The following FAM135B variants were observed in gnomAD, a reference collection of about 807,000 sequenced individuals.
The protein encoded by FAM135B is family with sequence similarity 135 member B, also known as protein FAM135B.
In FAM135B, 43 loss-of-function variants were observed where a neutral mutation model predicts 127.7. The observed-to-expected ratio is 0.34, with a 90% confidence interval of 0.26 to 0.43. The LOEUF (loss-of-function observed/expected upper bound fraction) is 0.43, where lower values mean the gene tolerates loss of function less well. Among genes scored for constraint, FAM135B ranks in the 20% least tolerant of loss-of-function variants. FAM135B has a pLI of 1.00. For missense variants in FAM135B, 1,558 were observed against 1,725.6 expected, an observed-to-expected ratio of 0.90 and a Z score of 1.72; for synonymous variants, 670 against 665.1, an observed-to-expected ratio of 1.01 and a Z score of -0.11.
intron 7 of FAM135B, among the ~76,000 whole-genome samples, chr8:138,209,930 C>T (rs1818010228): frequency 6.6e-6 from 1 of 151,978 alleles, no homozygotes; most frequent in Non-Finnish European, 1.5e-5. Flanking sequence ...AATTAAAGTC[C>T]CCAAATAGAA....
At chr8:138,164,934 C>T (rs1191817367) in intron 12 of FAM135B, among the ~76,000 whole-genome samples, 2 of 152,084 alleles carry the variant, frequency 1.3e-5, no homozygotes, top group South Asian at 2.1e-4. Context: ...AGGAACCACA[C>T]GTTCGGACAA....
At chr8:138,284,961 A>G (rs1824553816) in intron 3 of FAM135B, among the ~76,000 whole-genome samples, 1 of 152,016 alleles carries the variant, frequency 6.6e-6, no homozygotes, top group South Asian at 2.1e-4. Context: ...ACTTTAAAAA[A>G]ATAGTATTAA....
intron 13 of FAM135B, among the ~76,000 whole-genome samples, chr8:138,149,827 A>T (rs1224011608): frequency 6.6e-6 from 1 of 152,072 alleles, no homozygotes; most frequent in Non-Finnish European, 1.5e-5. Context: ...ATATTTACCC[A>T]GTCACTGCCC....
intron 2 of FAM135B, among the ~76,000 whole-genome samples, chr8:138,322,369 A>C (rs534415182): frequency 6.6e-6 from 1 of 151,960 alleles, no homozygotes; most frequent in African/African-American, 2.4e-5. Context: ...AGGGGAGGAG[A>C]CCCTCTCCTG....
At chr8:138,309,858 C>CTTTTTTTTTTTTTTTTTTTTTTTTT (rs145453026) in intron 3 of FAM135B, among the ~76,000 whole-genome samples, 1 of 86,788 alleles carries the variant, frequency 1.2e-5, no homozygotes, top group Admixed American at 1.5e-4. Flanking sequence ...AGTCTTTCTA[C>CTTTTTTTTTTTTTTTTTTTTTTTTT]TTTTTTTTTT....
At chr8:138,260,591 A>G (rs892841662) in intron 4 of FAM135B, among the ~76,000 whole-genome samples, 2 of 152,152 alleles carry the variant, frequency 1.3e-5, no homozygotes, top group African/African-American at 4.8e-5. Flanking sequence ...CTTAGAGTCA[A>G]CTTCCATTTA....
chr8:138,357,686 G>T (rs1026286250), intron 2 of FAM135B, among the ~76,000 whole-genome samples: 2 of 152,108 alleles, frequency 1.3e-5, no homozygotes, highest in Non-Finnish European at 2.9e-5. Context: ...AACAAGAGCA[G>T]TGAAGGATCC....
chr8:138,495,309 G>A (rs1815350266), intron 1 of FAM135B, among the ~76,000 whole-genome samples: 1 of 152,142 alleles, frequency 6.6e-6, no homozygotes, highest in Non-Finnish European at 1.5e-5. Context: ...CACACAGCAG[G>A]TGCATGAGGA....
chr8:138,182,987 C>T (rs1020480200), intron 9 of FAM135B, among the ~76,000 whole-genome samples: 1 of 152,178 alleles, frequency 6.6e-6, no homozygotes, highest in Non-Finnish European at 1.5e-5. Context: ...TCCTCATCTT[C>T]ATCCAGAATC....
chr8:138,385,911 T>G (rs1021279624), intron 1 of FAM135B, among the ~76,000 whole-genome samples: 1 of 152,046 alleles, frequency 6.6e-6, no homozygotes, highest in African/African-American at 2.4e-5. Context: ...TCCAACATTT[T>G]ATTTCATTTT....
At chr8:138,313,158 G>A (rs928824764) in intron 2 of FAM135B, among the ~76,000 whole-genome samples, 5 of 152,128 alleles carry the variant, frequency 3.3e-5, no homozygotes, top group African/African-American at 9.7e-5. Flanking sequence ...TTGAGACAGA[G>A]TCTCACTCTG....
At chr8:138,159,074 C>T (rs1239452760) in intron 12 of FAM135B, among the ~76,000 whole-genome samples, 1 of 149,798 alleles carries the variant, frequency 6.7e-6, no homozygotes, top group Admixed American at 6.7e-5. Context: ...AGATCGAGAC[C>T]ATCCTGGCTA....
intron 3 of FAM135B, among the ~76,000 whole-genome samples, chr8:138,288,517 G>C (rs548099601): frequency 6.6e-6 from 1 of 152,228 alleles, no homozygotes; most frequent in South Asian, 2.1e-4. Flanking sequence ...GAAAAGCAGA[G>C]ACAGGGAATG....
At chr8:138,159,835 T>C (rs1819183403) in intron 12 of FAM135B, among the ~76,000 whole-genome samples, 1 of 152,220 alleles carries the variant, frequency 6.6e-6, no homozygotes, top group South Asian at 2.1e-4. Flanking sequence ...TCTCAAATGA[T>C]AAAGAGTGTC....
At chr8:138,424,100 A>C (rs1316577466) in intron 1 of FAM135B, among the ~76,000 whole-genome samples, 1 of 152,126 alleles carries the variant, frequency 6.6e-6, no homozygotes, top group Non-Finnish European at 1.5e-5. Context: ...CACATGCTCT[A>C]CAAACAATTT....
chr8:138,266,268 G>A (rs1300496584), intron 3 of FAM135B, among the ~76,000 whole-genome samples: 1 of 152,050 alleles, frequency 6.6e-6, no homozygotes, highest in East Asian at 1.9e-4. Context: ...TGCCCATAGA[G>A]TCTCTCCCTT....
At position 138,132,180 on chromosome 8, in the gene FAM135B, T is replaced by C. The variant is rs1332237295; in HGVS notation, c.*413A>G. The C allele has an allele frequency of 1.0e-5, 2 of 191,858 alleles. No individual in the cohort carries two copies. The highest frequency in any genetic ancestry group is 2.4e-5 in the African/African-American group (1 of 42,314). 11.9% of individuals were successfully genotyped at this position (191,858 alleles called of 1,614,324 possible). On this transcript the variant is annotated 3_prime_UTR_variant, in exon 20 of 20. Coordinates refer to ENST00000395297, the MANE Select transcript of FAM135B (RefSeq NM_015912.4). This position sits in a 1 kb window ranked among gnomAD's most constrained non-coding sequence, Gnocchi z 4.5. The stretch of plus-strand genomic sequence containing the variant: ...GCTGCACAGAGATTAACCTGAGTTC[T>C]GAAATGCTTGTGTGCACTTAATCAG...
chr8:138,189,976 G>A (rs1286474487), intron 9 of FAM135B, among the ~76,000 whole-genome samples: 1 of 152,152 alleles, frequency 6.6e-6, no homozygotes, highest in Non-Finnish European at 1.5e-5. Flanking sequence ...AGCCCCAGCA[G>A]CACAACCTTA....
chr8:138,179,555 G>A (rs1161407819), intron 9 of FAM135B, among the ~76,000 whole-genome samples: 1 of 152,146 alleles, frequency 6.6e-6, no homozygotes, highest in African/African-American at 2.4e-5. Context: ...TGTCACCTTC[G>A]CATAGTAAGT....
Sources: gnomAD v4.1 joint callset for allele counts (sites outside exome capture counted in the v4.1 genomes callset) on GRCh38, gnomAD v4.1.1 for gene constraint, Gnocchi (gnomAD v3.1) non-coding constraint, MANE v1.5 for transcripts, NCBI Gene and HGNC (gene_info 2026-07-23, HGNC 2026-07-21) for gene names.